Variants in SLC17A5 observed in about 807,000 individuals in gnomAD.
The protein encoded by SLC17A5 is solute carrier family 17 member 5.
SLC17A5 carries 47 observed loss-of-function variants against 59.4 expected under a neutral mutation model. That is an observed-to-expected ratio of 0.79 (90% CI 0.63 to 1.01). The LOEUF (loss-of-function observed/expected upper bound fraction) is 1.01, where lower values mean the gene tolerates loss of function less well. Ranked by LOEUF, SLC17A5 falls within the 50% of genes least tolerant of loss-of-function variation. The pLI is 0.00. For synonymous variants in SLC17A5, 202 were observed against 210.7 expected, an observed-to-expected ratio of 0.96 and a Z score of 0.36; for missense variants, 522 against 595.5, an observed-to-expected ratio of 0.88 and a Z score of 1.28.
At chr6:73,636,588 T>TA (rs750100757) in intron 5 of SLC17A5, 33 bp downstream of exon 5, 1 of 1,183,496 alleles carries the variant, frequency 8.4e-7, no homozygotes, top group South Asian at 1.2e-5. Context: ...TTGAATTTGT[T>TA]ACATTATAAT....
intron 1 of SLC17A5, among the ~76,000 whole-genome samples, chr6:73,646,659 A>AG (rs1368825431): frequency 6.6e-6 from 1 of 151,808 alleles, no homozygotes; most frequent in Admixed American, 6.6e-5. Context: ...TTGTAAAAAA[A>AG]CACATTTTCT....
chr6:73,625,125 T>C (rs1768344640), intron 6 of SLC17A5, among the ~76,000 whole-genome samples: 1 of 152,212 alleles, frequency 6.6e-6, no homozygotes, highest in Non-Finnish European at 1.5e-5. Context: ...CTTTTTCATA[T>C]GGACTTTTTA....
intron 9 of SLC17A5, among the ~76,000 whole-genome samples, chr6:73,604,891 A>G (rs1437008328): frequency 6.6e-6 from 1 of 152,224 alleles, no homozygotes; most frequent in Admixed American, 6.5e-5. Flanking sequence ...CTGACTATGT[A>G]TTGGAAAACC....
chr6:73,601,201 T>C (rs1320388375), intron 9 of SLC17A5, among the ~76,000 whole-genome samples: 48 of 146,022 alleles, frequency 3.3e-4, no homozygotes, highest in Admixed American at 8.8e-4. Flanking sequence ...CGCCGCCCCG[T>C]CTGGGATGTG....
At chr6:73,631,540 A>C (rs1183512805) in intron 6 of SLC17A5, among the ~76,000 whole-genome samples, 1 of 151,866 alleles carries the variant, frequency 6.6e-6, no homozygotes, top group African/African-American at 2.4e-5. Flanking sequence ...ACTCTGCACT[A>C]AGATGCCCCA....
At chr6:73,626,979 C>T (rs1581975443) in intron 6 of SLC17A5, among the ~76,000 whole-genome samples, 1 of 152,126 alleles carries the variant, frequency 6.6e-6, no homozygotes, top group Non-Finnish European at 1.5e-5. Flanking sequence ...ACTAAGTTGA[C>T]CAGGCTGGTC....
chr6:73,603,939 A>AC (rs397732162), intron 9 of SLC17A5, among the ~76,000 whole-genome samples: 1 of 152,036 alleles, frequency 6.6e-6, no homozygotes, highest in African/African-American at 2.4e-5. Flanking sequence ...CAAAAAAAAA[A>AC]CACTTAAAGG....
chr6:73,623,495 T>G (rs964489229), intron 6 of SLC17A5, among the ~76,000 whole-genome samples: 1 of 151,494 alleles, frequency 6.6e-6, no homozygotes, highest in Non-Finnish European at 1.5e-5. Context: ...CCACCACATC[T>G]GGCTAATTTT....
intron 9 of SLC17A5, among the ~76,000 whole-genome samples, chr6:73,603,758 T>C (rs988642755): frequency 6.6e-6 from 1 of 152,152 alleles, no homozygotes; most frequent in African/African-American, 2.4e-5. Flanking sequence ...TTGTCCTGTA[T>C]ATATTCATGA....
rs750247836 is a variant in SLC17A5 at position 73,600,318 on chromosome 6, C to A, written c.1350+33G>T. ...TTGACACAGATGTGCAGCTCCAAAA[C>A]CTTTCCAGTTTACAAGTAAATTATC... On this transcript the variant is annotated intron_variant, in intron 10 of 10. Transcript: ENST00000355773. 151 of 1,504,622 alleles carry A rather than the reference C, an allele frequency of 1.0e-4. 1 individual carries two copies. The highest frequency in any genetic ancestry group is 1.3e-4 in the Non-Finnish European group (140 of 1,081,306). The allele number at this position is 1,504,622 out of a possible 1,614,324, so 93.2% of individuals were successfully genotyped here. A position where few individuals can be genotyped will look rare whatever the true frequency, so the allele number is the denominator to read the frequency against.
intron 9 of SLC17A5, among the ~76,000 whole-genome samples, chr6:73,601,016 G>C (rs945126674): frequency 9.3e-5 from 14 of 151,274 alleles, no homozygotes; most frequent in Non-Finnish European, 1.5e-4. Flanking sequence ...CGTCTGGGAA[G>C]TGAGGAGACC....
intron 9 of SLC17A5, among the ~76,000 whole-genome samples, chr6:73,601,336 C>T (rs1374473517): frequency 5.3e-4 from 71 of 133,472 alleles, no homozygotes; most frequent in African/African-American, 1.8e-3. Context: ...GTGAGGAGCC[C>T]CTCTGCCCGG....
At chr6:73,607,668 T>C (rs1264173917) in intron 9 of SLC17A5, among the ~76,000 whole-genome samples, 2 of 152,182 alleles carry the variant, frequency 1.3e-5, no homozygotes, top group Admixed American at 1.3e-4. Context: ...TAATAAGACT[T>C]CAGGAACCTG....
At chr6:73,643,676 C>T (rs1034101168) in intron 2 of SLC17A5, among the ~76,000 whole-genome samples, 1 of 151,848 alleles carries the variant, frequency 6.6e-6, no homozygotes, top group Admixed American at 6.6e-5. Flanking sequence ...AGGGTTTCAC[C>T]GTGTTGGCCA....
intron 10 of SLC17A5, 97 bp downstream of exon 10, chr6:73,600,254 A>ATT: frequency 1.1e-6 from 1 of 927,114 alleles, no homozygotes; most frequent in South Asian, 1.4e-5. Context: ...TTTCATAAGA[A>ATT]CATTTAGAAT....
In SLC17A5 at chr6:73,623,553, C is replaced by T. The variant is rs559637059; in HGVS notation, c.820-1591G>A. ...TTCATCATGTTGGCCAGGCTGGTTT[C>T]GAACTCCTGACCTGAAGTGATCTGC... On this transcript the variant is annotated intron_variant, in intron 6 of 10. Coordinates refer to ENST00000355773, the MANE Select transcript of SLC17A5 (RefSeq NM_012434.5). Among the ~76,000 whole-genome samples the T allele has an allele frequency of 1.5e-4, 23 of 152,146 alleles. No individual in the cohort carries two copies. In the South Asian group the frequency reaches 2.1e-3, roughly 14 times the overall value.
intron 8 of SLC17A5, among the ~76,000 whole-genome samples, chr6:73,611,101 G>A (rs1162223699): frequency 1.3e-5 from 2 of 152,024 alleles, no homozygotes; most frequent in Non-Finnish European, 2.9e-5. Context: ...AACAAAATTC[G>A]CCAGGCATGG....
intron 10 of SLC17A5, 53 bp from the exon 11 acceptor site, chr6:73,595,267 C>T: frequency 1.3e-6 from 2 of 1,597,242 alleles, no homozygotes; most frequent in Non-Finnish European, 1.7e-6. Flanking sequence ...GTGTAGTTCA[C>T]TTCATTAAAA....
chr6:73,619,324 G>C, intron 7 of SLC17A5, among the ~76,000 whole-genome samples: 1 of 151,648 alleles, frequency 6.6e-6, no homozygotes, highest in Non-Finnish European at 1.5e-5. Flanking sequence ...AATATTTGCA[G>C]AGTATAATAA....
Sources: gnomAD v4.1 joint callset for allele counts (sites outside exome capture counted in the v4.1 genomes callset) on GRCh38, gnomAD v4.1.1 for gene constraint, MANE v1.5 for transcripts, NCBI Gene and HGNC (gene_info 2026-07-23, HGNC 2026-07-21) for gene names.